The following TRIP12 variants were observed in gnomAD, a reference collection of about 807,000 sequenced individuals.
TRIP12 encodes the protein E3 ubiquitin-protein ligase TRIP12.
Under a neutral mutation model 244.2 loss-of-function variants are expected in TRIP12, and 25 were observed. The observed-to-expected ratio is 0.10, with a 90% CI of 0.07 to 0.14. The LOEUF (loss-of-function observed/expected upper bound fraction) is 0.14, where lower values mean the gene tolerates loss of function less well. Ranked by LOEUF, TRIP12 falls within the 10% of genes least tolerant of loss-of-function variation. The pLI, the probability that TRIP12 is intolerant of heterozygous loss-of-function variation, is 1.00. For synonymous variants in TRIP12, 905 were observed against 873.1 expected (o/e 1.04, Z -0.64); for missense variants, 1,677 against 2,486.4 (o/e 0.67, Z 6.92).
At chr2:229,906,967 C>T (rs548047695) in intron 1 of TRIP12, among the ~76,000 whole-genome samples, 13 of 152,226 alleles carry the variant, frequency 8.5e-5, no homozygotes, top group African/African-American at 3.1e-4. Context: ...TGATAAAACA[C>T]CTGAACCTAA....
intron 38 of TRIP12, among the ~76,000 whole-genome samples, chr2:229,771,912 C>T (rs1300233015): frequency 2.6e-5 from 4 of 152,148 alleles, no homozygotes; most frequent in African/African-American, 4.8e-5. Flanking sequence ...CCATGCCATA[C>T]AGTTATATTA....
At chr2:229,894,889 C>T (rs986112468) in intron 1 of TRIP12, among the ~76,000 whole-genome samples, 20 of 152,180 alleles carry the variant, frequency 1.3e-4, no homozygotes, top group Non-Finnish European at 7.3e-5. Flanking sequence ...GAGAACCATA[C>T]TTTGGGTAGC....
intron 5 of TRIP12, among the ~76,000 whole-genome samples, chr2:229,837,382 C>G (rs2055108125): frequency 6.6e-6 from 1 of 152,052 alleles, no homozygotes; most frequent in African/African-American, 2.4e-5. Context: ...TGCCTGTAAC[C>G]CCAGCACTTT....
At chr2:229,803,181 C>T (rs538228269) in intron 20 of TRIP12, among the ~76,000 whole-genome samples, 55 of 152,354 alleles carry the variant, frequency 3.6e-4, no homozygotes, top group Non-Finnish European at 6.3e-4. Flanking sequence ...CTATCAGACT[C>T]TTATTAAAAG....
At chr2:229,792,704 A>C (rs1409520148) in intron 27 of TRIP12, among the ~76,000 whole-genome samples, 1 of 152,184 alleles carries the variant, frequency 6.6e-6, no homozygotes, top group Non-Finnish European at 1.5e-5. Flanking sequence ...TGAAGCAGAA[A>C]GGTCTAAGAA....
At chr2:229,840,304 G>C (rs971918169) in intron 5 of TRIP12, among the ~76,000 whole-genome samples, 1 of 152,086 alleles carries the variant, frequency 6.6e-6, no homozygotes, top group Non-Finnish European at 1.5e-5. Context: ...AGAATGATTA[G>C]AACTTAGTAG....
intron 39 of TRIP12, among the ~76,000 whole-genome samples, chr2:229,769,951 C>A (rs1475044449): frequency 6.6e-6 from 1 of 152,134 alleles, no homozygotes; most frequent in African/African-American, 2.4e-5. Context: ...AATTTAATAT[C>A]TATTATATAA....
chr2:229,805,455 T>G (rs1382426052), intron 18 of TRIP12, among the ~76,000 whole-genome samples: 1 of 152,106 alleles, frequency 6.6e-6, no homozygotes, highest in Non-Finnish European at 1.5e-5. Flanking sequence ...TCTAAAGGTA[T>G]AATAGTAATG....
intron 1 of TRIP12, among the ~76,000 whole-genome samples, chr2:229,909,640 G>T (rs1382547196): frequency 1.3e-5 from 2 of 151,590 alleles, no homozygotes; most frequent in East Asian, 3.9e-4. Flanking sequence ...GACTGCATGA[G>T]GCCAGGAGTT....
chr2:229,880,296 G>A (rs919663738), intron 1 of TRIP12, among the ~76,000 whole-genome samples, 168 bp from the exon 2 acceptor site: 2 of 152,188 alleles, frequency 1.3e-5, no homozygotes, highest in African/African-American at 2.4e-5. Context: ...ACTGATCAAC[G>A]TGTTAACAAA....
In TRIP12 at chr2:229,788,780, C is replaced by T; in HGVS notation, c.4838+18G>A. On this transcript the variant is annotated intron_variant, in intron 32 of 41. Coordinates refer to ENST00000675903, the MANE Select transcript of TRIP12 (RefSeq NM_001348323.3). ...AGTAACATTTCCAAGGCCACCATTA[C>T]AGAAGTGATTGTCTTACCAGGTTTT... 3 of 1,609,934 alleles carry T rather than the reference C, an allele frequency of 1.9e-6. No homozygotes were observed. Among genetic ancestry groups the T allele is most frequent in the Non-Finnish European group, 2.5e-6 (3 of 1,178,882 alleles).
chr2:229,811,098 C>A (rs758263101), intron 14 of TRIP12, 38 bp downstream of exon 14: 1 of 1,613,614 alleles, frequency 6.2e-7, no homozygotes, highest in Non-Finnish European at 8.5e-7. Context: ...AGCAATTCAA[C>A]AACCTCATAA....
chr2:229,890,227 G>A (rs966835925), intron 1 of TRIP12, among the ~76,000 whole-genome samples: 2 of 151,840 alleles, frequency 1.3e-5, no homozygotes, highest in East Asian at 1.9e-4. Flanking sequence ...CTACAGGCAC[G>A]CACCACCACA....
chr2:229,869,022 C>T (rs530119263), intron 2 of TRIP12, among the ~76,000 whole-genome samples: 1 of 152,330 alleles, frequency 6.6e-6, no homozygotes, highest in East Asian at 1.9e-4. Flanking sequence ...ACCATATTCT[C>T]TTACTTGACA....
chr2:229,855,398 T>G (rs1391258744), intron 4 of TRIP12, among the ~76,000 whole-genome samples: 1 of 152,168 alleles, frequency 6.6e-6, no homozygotes, highest in African/African-American at 2.4e-5. Flanking sequence ...CTACTTTGTT[T>G]TGAAATGTTT....
In TRIP12 at chr2:229,785,832, C is replaced by G. The variant is rs1273603505; in HGVS notation, c.5019G>C (p.Leu1673=). Residue 1673 remains leucine (L), a synonymous_variant, in exon 34 of 42, where the codon CTG becomes CTC. Coordinates refer to ENST00000675903, the MANE Select transcript of TRIP12 (RefSeq NM_001348323.3). ...RKKRTVNREE[L]LKQAESVMQD... ...GCATCACAGACTCCGCCTGTTTCAG[C>G]AGCTCCTCTCGGTTCACAGTACGCT... 1 of 1,613,646 alleles carries G rather than the reference C, an allele frequency of 6.2e-7. No individual in the cohort carries two copies. Among genetic ancestry groups the G allele is most frequent in the East Asian group, 2.2e-5 (1 of 44,846 alleles).
At chr2:229,892,617 C>T (rs1442519156) in intron 1 of TRIP12, among the ~76,000 whole-genome samples, 1 of 152,040 alleles carries the variant, frequency 6.6e-6, no homozygotes, top group Non-Finnish European at 1.5e-5. Context: ...ACTTGTAATC[C>T]CAGCACTTTG....
intron 16 of TRIP12, 32 bp downstream of exon 16, chr2:229,808,220 C>G (rs1424966455): frequency 1.3e-6 from 2 of 1,514,622 alleles, no homozygotes; most frequent in Admixed American, 1.7e-5. Context: ...CCCGCCTTGG[C>G]CTCCCAAAGT....
chr2:229,791,093 A>C (rs373970600), intron 30 of TRIP12, 31 bp downstream of exon 30: 1 of 1,610,740 alleles, frequency 6.2e-7, no homozygotes, highest in Non-Finnish European at 8.5e-7. Context: ...CCCAGTTGGC[A>C]ATCCATTTTC....
Sources: allele counts gnomAD v4.1 joint callset (sites outside exome capture counted in the v4.1 genomes callset), GRCh38; gene constraint gnomAD v4.1.1; transcripts MANE v1.5; gene names NCBI Gene and HGNC (gene_info 2026-07-23, HGNC 2026-07-21).